Variants in KCNIP1 observed in about 807,000 individuals in gnomAD.
KCNIP1 encodes the protein A-type potassium channel modulatory protein KCNIP1.
In KCNIP1, 18 loss-of-function variants were observed where a neutral mutation model predicts 33.0. That is an observed-to-expected ratio of 0.55 (90% CI 0.38 to 0.81). The LOEUF is 0.81. Ranked by LOEUF, KCNIP1 falls within the 30% of genes least tolerant of loss-of-function variation. The pLI, the probability that KCNIP1 is intolerant of heterozygous loss-of-function variation, is 0.00. For missense variants in KCNIP1, 238 were observed against 271.6 expected, an observed-to-expected ratio of 0.88 and a Z score of 0.87; for synonymous variants, 93 against 98.3, an observed-to-expected ratio of 0.95 and a Z score of 0.32.
At chr5:170,569,070 C>T (rs1757304285) in intron 1 of KCNIP1, among the ~76,000 whole-genome samples, 1 of 152,194 alleles carries the variant, frequency 6.6e-6, no homozygotes, top group South Asian at 2.1e-4. Flanking sequence ...TCTCTTCCCT[C>T]AGAAAGTGGG....
intron 1 of KCNIP1, among the ~76,000 whole-genome samples, chr5:170,558,780 A>C (rs1756928937): frequency 6.6e-6 from 1 of 152,244 alleles, no homozygotes; most frequent in South Asian, 2.1e-4. Context: ...CCTTAAGAGC[A>C]TCAGCCGTGA....
intron 1 of KCNIP1, among the ~76,000 whole-genome samples, chr5:170,449,793 C>T (rs1161014945): frequency 6.6e-6 from 1 of 152,142 alleles, no homozygotes; most frequent in Non-Finnish European, 1.5e-5. Context: ...TCAGACCCCA[C>T]CCTCCTTTGC....
At chr5:170,359,885 G>A (rs570829524) in intron 1 of KCNIP1, among the ~76,000 whole-genome samples, 12 of 152,288 alleles carry the variant, frequency 7.9e-5, no homozygotes, top group Admixed American at 6.5e-4. Context: ...GGAGCCTCCG[G>A]GTCTTTCTCC....
intron 1 of KCNIP1, among the ~76,000 whole-genome samples, chr5:170,615,108 G>A (rs568888548): frequency 4.5e-4 from 68 of 152,272 alleles, no homozygotes; most frequent in African/African-American, 1.5e-3. Context: ...CCAGCTACTC[G>A]GGAGGCTGAG....
intron 1 of KCNIP1, among the ~76,000 whole-genome samples, chr5:170,592,777 G>T (rs577860113): frequency 6.6e-6 from 1 of 152,170 alleles, no homozygotes; most frequent in Non-Finnish European, 1.5e-5. Flanking sequence ...TCAGTGGATT[G>T]TTTAGAAGAT....
At chr5:170,502,486 G>C (rs566719718), upstream of KCNIP1, among the ~76,000 whole-genome samples, 40 of 152,300 alleles carry the variant, frequency 2.6e-4, no homozygotes, top group South Asian at 7.9e-3. Context: ...CTGTGTGAAT[G>C]TGGTGACTGT....
intron 1 of KCNIP1, among the ~76,000 whole-genome samples, chr5:170,487,158 G>C (rs903062649): frequency 6.6e-6 from 1 of 152,108 alleles, no homozygotes; most frequent in South Asian, 2.1e-4. Flanking sequence ...ATTCAAAATT[G>C]GCAGGGCAAG....
intron 1 of KCNIP1, among the ~76,000 whole-genome samples, chr5:170,486,923 C>T (rs1021940986): frequency 6.6e-6 from 1 of 152,134 alleles, no homozygotes; most frequent in Admixed American, 6.5e-5. Flanking sequence ...ATGAACATTT[C>T]TAAGTTGAAG....
At chr5:170,713,492 C>T (rs1021627992) in intron 1 of KCNIP1, among the ~76,000 whole-genome samples, 1 of 152,148 alleles carries the variant, frequency 6.6e-6, no homozygotes, top group Non-Finnish European at 1.5e-5. Flanking sequence ...TGTGGCTGCC[C>T]AGAGGGGACA....
intron 1 of KCNIP1, among the ~76,000 whole-genome samples, chr5:170,694,128 T>A (rs1762815295): frequency 6.6e-6 from 1 of 152,218 alleles, no homozygotes; most frequent in Non-Finnish European, 1.5e-5. Context: ...ACTGGAAACC[T>A]TGCCTCACCA....
intron 1 of KCNIP1, among the ~76,000 whole-genome samples, chr5:170,570,691 C>G (rs973364570): frequency 6.6e-6 from 1 of 152,242 alleles, no homozygotes; most frequent in African/African-American, 2.4e-5. Flanking sequence ...GGCGGCGGGT[C>G]AGCATTGGAG....
intron 1 of KCNIP1, among the ~76,000 whole-genome samples, chr5:170,600,540 C>T (rs962433451): frequency 1.3e-5 from 2 of 152,166 alleles, no homozygotes; most frequent in African/African-American, 4.8e-5. Context: ...TGTGTGCCCA[C>T]GCCTACCTCC....
At chr5:170,557,627 A>T (rs905909604) in intron 1 of KCNIP1, among the ~76,000 whole-genome samples, 2 of 152,196 alleles carry the variant, frequency 1.3e-5, no homozygotes, top group Admixed American at 6.5e-5. Context: ...CCTCGTGGAC[A>T]ACATCCTATT....
At chr5:170,458,841 G>A (rs1756446896) in intron 1 of KCNIP1, among the ~76,000 whole-genome samples, 1 of 152,160 alleles carries the variant, frequency 6.6e-6, no homozygotes, top group African/African-American at 2.4e-5. Context: ...CATGAAGAAT[G>A]TAATGGTACC....
rs116409983 is a variant in KCNIP1, at chr5:170,547,698, A to T, written c.61+43065A>T. 1.3e-3 allele frequency among the ~76,000 whole-genome samples: 195 copies of T among 152,344 alleles called. 1 individual carries two copies. The highest frequency in any genetic ancestry group is 4.5e-3 in the African/African-American group (189 of 41,582). ...CTCCATCCATGTTCCTGCAAAGGAC[A>T]TAATCCCCTTTTTAATGGCTGCATA... is the stretch of plus-strand genomic sequence containing the variant. On this transcript the variant is annotated intron_variant, in intron 1 of 7. Transcript: ENST00000328939.
intron 1 of KCNIP1, among the ~76,000 whole-genome samples, chr5:170,587,409 G>A (rs111709540): frequency 0.019 from 2,131 of 110,460 alleles, 50 homozygotes; most frequent in African/African-American, 0.068. Context: ...GCAACAGAGC[G>A]AGACTCTGTC....
intron 1 of KCNIP1, among the ~76,000 whole-genome samples, chr5:170,556,486 G>C (rs933478144): frequency 6.6e-6 from 1 of 152,202 alleles, no homozygotes; most frequent in Non-Finnish European, 1.5e-5. Flanking sequence ...TTCCCTTTCT[G>C]GTCAGGGACC....
chr5:170,388,054 T>G (rs1764557289), intron 1 of KCNIP1, among the ~76,000 whole-genome samples: 1 of 152,234 alleles, frequency 6.6e-6, no homozygotes, highest in Non-Finnish European at 1.5e-5. Flanking sequence ...CCTCCTCTGC[T>G]ATTTGGCTTC....
chr5:170,363,631 A>G (rs898421566), intron 1 of KCNIP1, among the ~76,000 whole-genome samples: 1 of 152,152 alleles, frequency 6.6e-6, no homozygotes, highest in African/African-American at 2.4e-5. Flanking sequence ...CGATTATGGC[A>G]GCCCAAGCAG....
Sources: gnomAD v4.1 joint callset for allele counts (sites outside exome capture counted in the v4.1 genomes callset) on GRCh38, gnomAD v4.1.1 for gene constraint, MANE v1.5 for transcripts, NCBI Gene and HGNC (gene_info 2026-07-23, HGNC 2026-07-21) for gene names.